Variants in PNPLA3 observed in about 807,000 individuals in gnomAD.
PNPLA3 encodes the protein 1-acylglycerol-3-phosphate O-acyltransferase PNPLA3.
In PNPLA3, 42 loss-of-function variants were observed where a neutral mutation model predicts 43.1. The observed-to-expected ratio is 0.97, with a 90% CI of 0.76 to 1.26. PNPLA3 has a LOEUF of 1.26. Ranked by LOEUF, PNPLA3 falls within the 50% of genes most tolerant of loss-of-function variation. The probability of loss-of-function intolerance (pLI) is 0.00; values close to 1 mark genes in which losing one functional copy is unlikely to be tolerated. For missense variants in PNPLA3, 647 were observed against 621.4 expected, an observed-to-expected ratio of 1.04 and a Z score of -0.44; for synonymous variants, 272 against 253.6, an observed-to-expected ratio of 1.07 and a Z score of -0.69.
At chr22:43,943,448 G>T (rs2050043845) in intron 7 of PNPLA3, among the ~76,000 whole-genome samples, 1 of 152,156 alleles carries the variant, frequency 6.6e-6, no homozygotes. Flanking sequence ...TTTCCCTGGA[G>T]CTGGTTGAAC....
intron 7 of PNPLA3, among the ~76,000 whole-genome samples, chr22:43,943,037 C>T (rs2050041615): frequency 6.6e-6 from 1 of 151,986 alleles, no homozygotes; most frequent in Non-Finnish European, 1.5e-5. Context: ...TGTCTTTTTG[C>T]GTCTGCTCTG....
intron 4 of PNPLA3, among the ~76,000 whole-genome samples, chr22:43,934,308 C>G (rs2049980403): frequency 7.5e-6 from 1 of 132,692 alleles, no homozygotes; most frequent in Non-Finnish European, 1.6e-5. Flanking sequence ...CAGAGCAAGA[C>G]TCTGCCTTAA....
chr22:43,929,408 G>A (rs1286135533), intron 3 of PNPLA3, among the ~76,000 whole-genome samples: 13 of 150,430 alleles, frequency 8.6e-5, no homozygotes, highest in Admixed American at 7.3e-4. Flanking sequence ...CTTGGGAGGC[G>A]GAAGTTGCAG....
Position 43,926,960 on chromosome 22 carries a change from T to A in PNPLA3, c.213T>A (p.Asp71Glu). ...AGCAGACTCTGCAGGTCCTCTCAGA[T>A]CTTGTGCGGAAGGCCAGGAGTCGGA... ...PLEQTLQVLSDLVRKARSRNI... is the reference protein window; with the variant it reads ...PLEQTLQVLSELVRKARSRNI... The change falls in exon 2 of 9, where the codon GAT becomes GAA. Residue 71 changes from aspartate to glutamate, a missense_variant. Coordinates refer to ENST00000216180, the MANE Select transcript of PNPLA3 (RefSeq NM_025225.3). The A allele has an allele frequency of 6.2e-7, 1 of 1,614,236 alleles. No individual in the cohort carries two copies. The highest frequency in any genetic ancestry group is 8.5e-7 in the Non-Finnish European group (1 of 1,180,040).
intron 3 of PNPLA3, among the ~76,000 whole-genome samples, chr22:43,930,303 A>G (rs1183689584): frequency 6.6e-6 from 1 of 152,118 alleles, no homozygotes; most frequent in Non-Finnish European, 1.5e-5. Flanking sequence ...AGAACAGGGC[A>G]TGTCTTGGTT....
intron 5 of PNPLA3, among the ~76,000 whole-genome samples, chr22:43,935,209 TGTGTTGGGA>T (rs2146783579): frequency 6.6e-6 from 1 of 152,144 alleles, no homozygotes; most frequent in East Asian, 1.9e-4. Flanking sequence ...AGGAAAAAGA[TGTGTTGGGA>T]GCTATTTTTC....
chr22:43,932,796 C>G, intron 3 of PNPLA3, 82 bp from the exon 4 acceptor site: 2 of 1,288,418 alleles, frequency 1.6e-6, no homozygotes, highest in Non-Finnish European at 2.2e-6. Flanking sequence ...GAAGCTCTGC[C>G]CACATGTGAA....
At chr22:43,930,371 G>A (rs574949181) in intron 3 of PNPLA3, among the ~76,000 whole-genome samples, 31 of 152,284 alleles carry the variant, frequency 2.0e-4, no homozygotes, top group African/African-American at 5.5e-4. Flanking sequence ...AGTGGTCCAC[G>A]GAGCCACTGG....
chr22:43,933,997 T>G (rs1026106555), intron 4 of PNPLA3, among the ~76,000 whole-genome samples: 1 of 152,118 alleles, frequency 6.6e-6, no homozygotes, highest in Non-Finnish European at 1.5e-5. Flanking sequence ...GGGTGGAGGC[T>G]TATTCCGGGA....
chr22:43,927,814 G>A (rs1056979126), intron 2 of PNPLA3, among the ~76,000 whole-genome samples: 1 of 152,120 alleles, frequency 6.6e-6, no homozygotes, highest in Non-Finnish European at 1.5e-5. Context: ...TTGCCCTGTT[G>A]CCCAGGCTGG....
At position 43,924,086 on chromosome 22, in the gene PNPLA3, G is replaced by A. The variant is rs1051040163; in HGVS notation, c.175G>A (p.Gly59Ser). The change falls in exon 1 of 9, where the codon GGT becomes AGT. Residue 59 changes from glycine (G) to serine (S), a missense_variant. By Grantham distance (56) the Gly-to-Ser change is moderately conservative. Transcript: ENST00000216180. Reference sequence around the variant, plus strand: ...GTTGCACTGCGTCGGCGTCCTCTCCGGTATCCCGCTGGGTGCGTCTGGGGA... The same window carrying A: ...GTTGCACTGCGTCGGCGTCCTCTCCAGTATCCCGCTGGGTGCGTCTGGGGA... ...GALHCVGVLS[G>S]IPLEQTLQVL... 7.1e-6 allele frequency: 11 copies of A among 1,559,830 alleles called. No homozygotes were observed. The highest frequency in any genetic ancestry group is 3.7e-4 in the Middle Eastern group (2 of 5,362).
rs202021013 is a variant in PNPLA3, at chr22:43,937,251, C to T, written c.958C>T (p.Leu320Phe). The T allele has an allele frequency of 1.2e-6, 2 of 1,614,000 alleles. No homozygotes were observed. Among genetic ancestry groups the T allele is most frequent in the Admixed American group, 1.7e-5 (1 of 60,024 alleles). Residue 320 changes from leucine (L) to phenylalanine (F), a missense_variant, in exon 6 of 9, where the codon CTC becomes TTC. Physicochemically the swap from Leu to Phe is conservative, Grantham distance 22 (BLOSUM62 0). Coordinates refer to ENST00000216180, the MANE Select transcript of PNPLA3 (RefSeq NM_025225.3). ...CTGGGATGAGAGCATCCTGGACACCCTCTCGCCCAGGCTCGCTACAGGTAC... is the reference window on the plus strand; with the variant it reads ...CTGGGATGAGAGCATCCTGGACACCTTCTCGCCCAGGCTCGCTACAGGTAC... ...LPWDESILDT[L>F]SPRLATALSE...
Position 43,944,748 on chromosome 22 carries a change from C to T in PNPLA3, c.1170C>T (p.Thr390=), listed in dbSNP as rs1603417473. 3 of 1,614,200 alleles carry T rather than the reference C, an allele frequency of 1.9e-6. No homozygotes were observed. The highest frequency in any genetic ancestry group is 2.5e-6 in the Non-Finnish European group (3 of 1,180,040). The part of the protein sequence containing the change: ...PDDVLWLQWV[T]SQVFTRVLMC... Reference sequence around the variant, plus strand: ...ATGTCCTGTGGTTGCAGTGGGTGACCTCACAGGTGTTCACTCGAGTGCTGA... The same window carrying T: ...ATGTCCTGTGGTTGCAGTGGGTGACTTCACAGGTGTTCACTCGAGTGCTGA... Residue 390 remains threonine, a synonymous_variant, in exon 8 of 9, where the codon ACC becomes ACT. Coordinates refer to ENST00000216180, the MANE Select transcript of PNPLA3 (RefSeq NM_025225.3).
Position 43,947,567 on chromosome 22 carries a change from A to G in PNPLA3, c.*1185A>G, listed in dbSNP as rs2050071436. 1 of 176,500 alleles carries G rather than the reference A, an allele frequency of 5.7e-6. No homozygotes were observed. Among genetic ancestry groups the G allele is most frequent in the Non-Finnish European group, 1.2e-5 (1 of 83,762 alleles). The allele number at this position is 176,500 out of a possible 1,614,324, so 10.9% of individuals were successfully genotyped here. On this transcript the variant is annotated 3_prime_UTR_variant, in exon 9 of 9. Transcript: ENST00000216180. ...GCGATGAGAGAGTGTAGAAATAAAG[A>G]CACAAGACAAAGAGATAAAAGAAAA... is the stretch of plus-strand genomic sequence containing the variant.
At chr22:43,925,575 G>A (rs568314346) in intron 1 of PNPLA3, among the ~76,000 whole-genome samples, 19 of 152,136 alleles carry the variant, frequency 1.2e-4, no homozygotes, top group Admixed American at 4.6e-4. Flanking sequence ...GTGAGGAAGC[G>A]GGCAGAGGAA....
rs1371894194 is a variant in PNPLA3 at position 43,946,888 on chromosome 22, T to C, written c.*506T>C. The C allele has an allele frequency of 5.8e-6, 2 of 342,106 alleles. No homozygotes were observed. The highest frequency in any genetic ancestry group is 1.2e-5 in the Non-Finnish European group (2 of 173,802). 21.2% of individuals were successfully genotyped at this position (342,106 alleles called of 1,614,324 possible). A position where few individuals can be genotyped will look rare whatever the true frequency, so the allele number is the denominator to read the frequency against. Reference sequence around the variant, plus strand: ...CTGCAAAGATGATAACCTTGACTACTAAAAACGTCTCCATGGCGGGGGTAA... The same window carrying C: ...CTGCAAAGATGATAACCTTGACTACCAAAAACGTCTCCATGGCGGGGGTAA... On this transcript the variant is annotated 3_prime_UTR_variant, in exon 9 of 9. Transcript: ENST00000216180.
In PNPLA3 at chr22:43,944,715, GC is replaced by G; in HGVS notation, c.1140del (p.Asp381ThrfsTer9). ...GACTGGTGACATGGCTTCCAGATAT[GC>G]CCGACGATGTCCTGTGGTTGCAGTG... ...QRLVTWLPDMPDDVLWLQWVT... is the reference protein window; with the variant it reads ...QRLVTWLPDMXDDVLWLQWVT... On this transcript the variant is annotated frameshift_variant, in exon 8 of 9. Coordinates refer to ENST00000216180, the MANE Select transcript of PNPLA3 (RefSeq NM_025225.3). LOFTEE classifies it high-confidence loss of function. 6.2e-7 allele frequency: 1 copy of G among 1,614,214 alleles called. No homozygotes were observed. The highest frequency in any genetic ancestry group is 8.5e-7 in the Non-Finnish European group (1 of 1,180,042).
chr22:43,923,955 G>C lies in PNPLA3; in HGVS notation c.44G>C (p.Cys15Ser). ...ERGWSLSFAG[C>S]GFLGFYHVGA... ...GGCTGGAGCTTGTCCTTCGCGGGCT[G>C]CGGCTTCCTGGGCTTCTACCACGTC... The change falls in exon 1 of 9, where the codon TGC becomes TCC. Residue 15 changes from cysteine to serine, a missense_variant. Physicochemically the swap from Cys to Ser is moderately radical, Grantham distance 112. Coordinates refer to ENST00000216180, the MANE Select transcript of PNPLA3 (RefSeq NM_025225.3). The C allele has an allele frequency of 1.3e-6, 2 of 1,582,176 alleles. No homozygotes were observed. The highest frequency in any genetic ancestry group is 1.7e-6 in the Non-Finnish European group (2 of 1,172,684).
intron 5 of PNPLA3, among the ~76,000 whole-genome samples, chr22:43,936,025 G>C (rs1189058812): frequency 6.6e-6 from 1 of 152,150 alleles, no homozygotes; most frequent in Non-Finnish European, 1.5e-5. Context: ...ATGACCGATG[G>C]GACATTTGGG....
Sources: gnomAD v4.1 joint callset for allele counts (sites outside exome capture counted in the v4.1 genomes callset) on GRCh38, gnomAD v4.1.1 for gene constraint, MANE v1.5 for transcripts, NCBI Gene and HGNC (gene_info 2026-07-23, HGNC 2026-07-21) for gene names.